The following NEGR1 variants were observed in gnomAD, a reference collection of about 807,000 sequenced individuals.
NEGR1 encodes the protein neuronal growth regulator 1.
A neutral mutation model predicts 40.9 loss-of-function variants in NEGR1; 10 were observed. That is an observed-to-expected ratio of 0.24 (90% CI 0.15 to 0.42). NEGR1 has a LOEUF of 0.42. Ranked by LOEUF, NEGR1 falls within the 10% of genes least tolerant of loss-of-function variation. The pLI, the probability that NEGR1 is intolerant of heterozygous loss-of-function variation, is 1.00. For missense variants in NEGR1, 352 were observed against 438.9 expected (o/e 0.80, Z 1.77); for synonymous variants, 185 against 166.8 (o/e 1.11, Z -0.84).
intron 3 of NEGR1, among the ~76,000 whole-genome samples, chr1:71,768,837 C>A (rs539143723): frequency 4.2e-4 from 64 of 152,208 alleles, no homozygotes; most frequent in African/African-American, 1.4e-3. Context: ...TGGTTTAGCA[C>A]CATTGCCCTA....
intron 2 of NEGR1, among the ~76,000 whole-genome samples, chr1:71,860,621 T>G (rs1013754596): frequency 6.6e-6 from 1 of 151,892 alleles, no homozygotes; most frequent in African/African-American, 2.4e-5. Flanking sequence ...TTAAATTTAC[T>G]GTGCAAAAAA....
chr1:71,600,616 C>T (rs575680538), intron 5 of NEGR1, among the ~76,000 whole-genome samples: 2 of 152,234 alleles, frequency 1.3e-5, no homozygotes, highest in East Asian at 3.9e-4. Flanking sequence ...GAGCTCATAT[C>T]AAAGTCTGGG....
chr1:72,130,377 T>G (rs1047945780), intron 1 of NEGR1, among the ~76,000 whole-genome samples: 15 of 152,180 alleles, frequency 9.9e-5, no homozygotes, highest in African/African-American at 3.6e-4. Context: ...CATTAAACCT[T>G]TTATAACTTC....
chr1:72,211,826 T>C (rs914561324), intron 1 of NEGR1, among the ~76,000 whole-genome samples: 1 of 151,726 alleles, frequency 6.6e-6, no homozygotes, highest in African/African-American at 2.4e-5. Context: ...CCACTGTACC[T>C]CACTCTATAA....
rs1217982213 is a variant in NEGR1, at chr1:71,646,717, G to C, written c.668-35571C>G. Among the ~76,000 whole-genome samples the C allele has an allele frequency of 3.3e-5, 5 of 151,726 alleles. 1 individual carries two copies. In the South Asian group the frequency reaches 6.2e-4, roughly 19 times the overall value. On this transcript the variant is annotated intron_variant, in intron 4 of 6. Coordinates refer to ENST00000357731, the MANE Select transcript of NEGR1 (RefSeq NM_173808.3). The stretch of plus-strand genomic sequence containing the variant: ...TGAGTCTGTTTATCCTTGACCAGAG[G>C]TAATAATAATAGATAAGTCTCAGAG...
chr1:72,144,979 C>T (rs540905955), intron 1 of NEGR1, among the ~76,000 whole-genome samples: 1 of 152,188 alleles, frequency 6.6e-6, no homozygotes, highest in South Asian at 2.1e-4. Context: ...GGATACCTTA[C>T]CTATGTACTT....
intron 4 of NEGR1, among the ~76,000 whole-genome samples, chr1:71,615,955 T>C (rs1049731928): frequency 3.3e-5 from 5 of 152,192 alleles, no homozygotes; most frequent in African/African-American, 9.7e-5. Context: ...ATTGCTCACA[T>C]TGGACCTGAA....
intron 6 of NEGR1, among the ~76,000 whole-genome samples, chr1:71,513,830 G>A (rs1158287388): frequency 6.6e-6 from 1 of 150,696 alleles, no homozygotes; most frequent in African/African-American, 2.4e-5. Flanking sequence ...ATCTCACTAG[G>A]GAGTGCCAGA....
At chr1:71,581,740 C>T (rs1338867597) in intron 6 of NEGR1, among the ~76,000 whole-genome samples, 1 of 149,834 alleles carries the variant, frequency 6.7e-6, no homozygotes, top group African/African-American at 2.5e-5. Context: ...TCTCACTCTG[C>T]CGTCCAGGCT....
intron 4 of NEGR1, among the ~76,000 whole-genome samples, chr1:71,624,618 A>C (rs561193595): frequency 1.3e-5 from 2 of 151,938 alleles, no homozygotes; most frequent in African/African-American, 4.8e-5. Context: ...GTGGAACACA[A>C]ACCAAGAGCA....
chr1:71,935,097 C>A lies in NEGR1; in HGVS notation c.391G>T (p.Val131Leu). 6.2e-7 allele frequency: 1 copy of A among 1,606,838 alleles called. No individual in the cohort carries two copies. Among genetic ancestry groups the A allele is most frequent in the Non-Finnish European group, 8.5e-7 (1 of 1,173,480 alleles). Residue 131 changes from valine to leucine, a missense_variant, in exon 2 of 7, where the codon GTG (valine) becomes TTG (leucine). This residue lies in a region of NEGR1 where 50 missense variants were observed against 53.0 expected (regional missense o/e 0.94). Coordinates refer to ENST00000357731, the MANE Select transcript of NEGR1 (RefSeq NM_173808.3). ...QTQHTPRTMQ[V>L]HLTVQVPPKI... Reference sequence around the variant, plus strand: ...TACATACCTTGCACAGTTAGATGCACCTGCATTGTTCTGGGTGTATGTTGA... The same window carrying A: ...TACATACCTTGCACAGTTAGATGCAACTGCATTGTTCTGGGTGTATGTTGA...
intron 2 of NEGR1, among the ~76,000 whole-genome samples, chr1:71,807,674 A>AT (rs1276322333): frequency 6.6e-6 from 1 of 152,154 alleles, no homozygotes; most frequent in East Asian, 1.9e-4. Flanking sequence ...ACCATTTCAA[A>AT]TTTTTTAAAA....
chr1:71,795,634 T>C (rs75437551), intron 2 of NEGR1, among the ~76,000 whole-genome samples: 2,734 of 152,248 alleles, frequency 0.018, 33 homozygotes, highest in Admixed American at 0.035. Context: ...AAATCCCAAT[T>C]GACCGTGTGT....
At chr1:71,952,482 G>A (rs1048197578) in intron 1 of NEGR1, among the ~76,000 whole-genome samples, 2 of 152,096 alleles carry the variant, frequency 1.3e-5, no homozygotes, top group African/African-American at 2.4e-5. Flanking sequence ...AAAGTTTGAA[G>A]CTGGAACAGC....
At chr1:72,099,205 A>G (rs1648834195) in intron 1 of NEGR1, among the ~76,000 whole-genome samples, 1 of 152,032 alleles carries the variant, frequency 6.6e-6, no homozygotes, top group Non-Finnish European at 1.5e-5. Flanking sequence ...AAATTTTCAT[A>G]GCATTTTAAA....
intron 2 of NEGR1, among the ~76,000 whole-genome samples, chr1:71,883,574 T>C (rs1181064058): frequency 6.6e-6 from 1 of 152,148 alleles, no homozygotes; most frequent in Admixed American, 6.6e-5. Flanking sequence ...AAAGGAGCTA[T>C]TTTCTTTTTT....
At chr1:71,880,941 T>C (rs1458224984) in intron 2 of NEGR1, among the ~76,000 whole-genome samples, 1 of 152,068 alleles carries the variant, frequency 6.6e-6, no homozygotes, top group Non-Finnish European at 1.5e-5. Flanking sequence ...ACGAGAATGA[T>C]AGGCAACATA....
intron 6 of NEGR1, among the ~76,000 whole-genome samples, chr1:71,543,840 T>G (rs966977835): frequency 6.6e-6 from 1 of 151,752 alleles, no homozygotes; most frequent in Non-Finnish European, 1.5e-5. Context: ...GTGATTCTTA[T>G]GCCTACAACA....
chr1:71,783,257 A>C (rs1570341273), intron 2 of NEGR1, among the ~76,000 whole-genome samples: 1 of 152,086 alleles, frequency 6.6e-6, no homozygotes, highest in African/African-American at 2.4e-5. Context: ...CCTTCCTTTC[A>C]CTGGGCTGGC....
Sources: allele counts gnomAD v4.1 joint callset (sites outside exome capture counted in the v4.1 genomes callset), GRCh38; gene constraint gnomAD v4.1.1; regional missense constraint gnomAD v4.1.1; transcripts MANE v1.5; gene names NCBI Gene and HGNC (gene_info 2026-07-23, HGNC 2026-07-21).